Variants in PRKG1 observed in about 807,000 individuals in gnomAD.
PRKG1 encodes protein kinase cGMP-dependent 1.
Under a neutral mutation model 88.1 loss-of-function variants are expected in PRKG1, and 35 were observed. The observed-to-expected ratio is 0.40, with a 90% CI of 0.30 to 0.53. The LOEUF (loss-of-function observed/expected upper bound fraction) is 0.53. Ranked by LOEUF, PRKG1 falls within the 20% of genes least tolerant of loss-of-function variation. The pLI is 0.59. For synonymous variants in PRKG1, 303 were observed against 292.5 expected (o/e 1.04, Z -0.37); for missense variants, 540 against 839.8 (o/e 0.64, Z 4.41).
intron 7 of PRKG1, among the ~76,000 whole-genome samples, chr10:52,106,256 C>G (rs1847419321): frequency 6.6e-6 from 1 of 152,086 alleles, no homozygotes; most frequent in African/African-American, 2.4e-5. Flanking sequence ...AAAACAAAAC[C>G]AAAAACTATT....
At position 51,847,603 on chromosome 10, in the gene PRKG1, AT is replaced by A. The variant is rs369379721; in HGVS notation, c.698+42923del. 7.4e-3 allele frequency among the ~76,000 whole-genome samples: 1,103 copies of A among 148,990 alleles called. 22 individuals are homozygous for A. Among genetic ancestry groups the A allele is most frequent in the African/African-American group, 0.023 (955 of 40,772 alleles). On this transcript the variant is annotated intron_variant, in intron 4 of 17. Coordinates refer to ENST00000373980, the MANE Select transcript of PRKG1 (RefSeq NM_006258.4). ...GATCTATTGACAGCATTTAACAATG[AT>A]TTTTTTTTTCTGTAGATTGGCTAAA...
rs1837497358 is a variant in PRKG1 at position 51,562,644 on chromosome 10, G to A, written c.592+94808G>A. On this transcript the variant is annotated intron_variant, in intron 3 of 17. Transcript: ENST00000373980. ...TCTCTTTGATTACTATAATTTCTGTGTCTGATTGTCACAGCTGGAGTCTCT... is the reference window on the plus strand; with the variant it reads ...TCTCTTTGATTACTATAATTTCTGTATCTGATTGTCACAGCTGGAGTCTCT... Among the ~76,000 whole-genome samples, 3 of 152,070 alleles carry A rather than the reference G, an allele frequency of 2.0e-5. No individual in the cohort carries two copies. In the South Asian group the frequency reaches 6.2e-4, roughly 32 times the overall value.
chr10:51,573,553 A>C (rs1172481989), intron 3 of PRKG1, among the ~76,000 whole-genome samples: 1 of 151,894 alleles, frequency 6.6e-6, no homozygotes, highest in Non-Finnish European at 1.5e-5. Context: ...TCTTCTTTGG[A>C]GACAGAAACC....
At chr10:51,753,389 G>T (rs1837776854) in intron 3 of PRKG1, among the ~76,000 whole-genome samples, 1 of 151,916 alleles carries the variant, frequency 6.6e-6, no homozygotes, top group African/African-American at 2.4e-5. Flanking sequence ...TATTTTAGAT[G>T]GTCTATTTAT....
chr10:52,153,322 T>A (rs549602265), intron 8 of PRKG1, among the ~76,000 whole-genome samples: 1 of 152,240 alleles, frequency 6.6e-6, no homozygotes, highest in South Asian at 2.1e-4. Flanking sequence ...TAATGCCAGA[T>A]AAAAGGAAAA....
Position 52,251,634 on chromosome 10 carries a change from C to T in PRKG1, c.1141C>T (p.Leu381Phe). 1 of 1,613,544 alleles carries T rather than the reference C, an allele frequency of 6.2e-7. No individual in the cohort carries two copies. Among genetic ancestry groups the T allele is most frequent in the Non-Finnish European group, 8.5e-7 (1 of 1,179,604 alleles). Residue 381 changes from leucine (L) to phenylalanine (F), a missense_variant, in exon 10 of 18, where the codon CTT (leucine) becomes TTT (phenylalanine). Transcript: ENST00000373980. ...GTCTGATTTCAACATCATTGATACC[C>T]TTGGAGTTGGAGGTTTCGGACGAGT... Reference protein sequence around the residue: ...KLSDFNIIDTLGVGGFGRVEL... With the variant: ...KLSDFNIIDTFGVGGFGRVEL...
chr10:52,277,837 A>G (rs917396891), intron 12 of PRKG1, among the ~76,000 whole-genome samples: 5 of 152,206 alleles, frequency 3.3e-5, no homozygotes, highest in Non-Finnish European at 7.3e-5. Flanking sequence ...TCATTACAAC[A>G]TTAACAATGC....
chr10:52,255,588 T>C (rs1841288333), intron 10 of PRKG1, among the ~76,000 whole-genome samples: 1 of 152,066 alleles, frequency 6.6e-6, no homozygotes, highest in Non-Finnish European at 1.5e-5. Flanking sequence ...TAGTGAGCTC[T>C]ATGATTGAAG....
chr10:51,633,394 G>A (rs191969367), intron 3 of PRKG1, among the ~76,000 whole-genome samples: 71 of 152,094 alleles, frequency 4.7e-4, no homozygotes, highest in Non-Finnish European at 7.1e-4. Flanking sequence ...TGAAGCAAGC[G>A]AGGGAAAATA....
At chr10:51,197,825 G>A (rs942434415) in intron 2 of PRKG1, among the ~76,000 whole-genome samples, 4 of 146,578 alleles carry the variant, frequency 2.7e-5, no homozygotes, top group Admixed American at 2.7e-4. Context: ...TGGTGCAAAA[G>A]TAATTGTGGT....
Position 52,271,338 on chromosome 10 carries a change from T to G in PRKG1, c.1174-12T>G, listed in dbSNP as rs1444443084. On this transcript the variant is annotated splice_polypyrimidine_tract_variant and intron_variant, in intron 10 of 17. Transcript: ENST00000373980. ...ATGGGCTTTTTCTTACTCTCTTCTC[T>G]CTTTCTTTAAGGTCCAGTTGAAAAG... 1 of 1,610,600 alleles carries G rather than the reference T, an allele frequency of 6.2e-7. No individual in the cohort carries two copies. Among genetic ancestry groups the G allele is most frequent in the Admixed American group, 1.7e-5 (1 of 59,812 alleles).
intron 9 of PRKG1, among the ~76,000 whole-genome samples, chr10:52,207,238 G>A (rs2132792007): frequency 6.6e-6 from 1 of 152,284 alleles, no homozygotes; most frequent in South Asian, 2.1e-4. Context: ...TAGCAGAGCA[G>A]GAGCGGGAGG....
chr10:52,144,482 T>A (rs1158312904), intron 8 of PRKG1, among the ~76,000 whole-genome samples: 1 of 152,150 alleles, frequency 6.6e-6, no homozygotes, highest in Non-Finnish European at 1.5e-5. Flanking sequence ...GCTGCAGTAG[T>A]CCTAAAGGAT....
Position 52,182,739 on chromosome 10 carries a change from A to T in PRKG1, c.1076+20776A>T, listed in dbSNP as rs10762632. 5.6e-4 allele frequency among the ~76,000 whole-genome samples: 80 copies of T among 142,614 alleles called. No homozygotes were observed. In the East Asian group the frequency reaches 0.016, roughly 29 times the overall value. 93.6% of individuals were successfully genotyped at this position (142,614 alleles called of 152,430 possible). A position where few individuals can be genotyped will look rare whatever the true frequency, so the allele number is the denominator to read the frequency against. ...TTCTCAGGTTTGTCAAAGATCAGAT[A>T]GTTGTAGATATGCGGCATTATTTCT... On this transcript the variant is annotated intron_variant, in intron 9 of 17. Coordinates refer to ENST00000373980, the MANE Select transcript of PRKG1 (RefSeq NM_006258.4).
intron 5 of PRKG1, among the ~76,000 whole-genome samples, chr10:52,034,954 G>T (rs1845569124): frequency 6.6e-6 from 1 of 152,262 alleles, no homozygotes; most frequent in Non-Finnish European, 1.5e-5. Flanking sequence ...TTAAGTTGGT[G>T]GCTGAGTGTG....
chr10:51,564,312 T>C (rs1410831675), intron 3 of PRKG1, among the ~76,000 whole-genome samples: 1 of 152,156 alleles, frequency 6.6e-6, no homozygotes, highest in Non-Finnish European at 1.5e-5. Context: ...GATTGTATTC[T>C]ATTCTTTGTT....
intron 3 of PRKG1, among the ~76,000 whole-genome samples, chr10:51,727,667 C>T (rs1050182108): frequency 6.6e-6 from 1 of 152,120 alleles, no homozygotes; most frequent in Non-Finnish European, 1.5e-5. Context: ...TATCTTAACT[C>T]ATATCTCCGG....
At chr10:51,761,222 A>C (rs1417985042) in intron 3 of PRKG1, among the ~76,000 whole-genome samples, 2 of 152,250 alleles carry the variant, frequency 1.3e-5, no homozygotes, top group African/African-American at 4.8e-5. Context: ...TCCTTTTCTT[A>C]AACATTTGTG....
chr10:51,100,569 T>C lies in PRKG1; in HGVS notation c.311+25668T>C, dbSNP rs185040933. Reference sequence around the variant, plus strand: ...TTGCTGCAACTGTTACAGCTGTGACTGCCAATAAGCATAGCCCATAGCCCT... The same window carrying C: ...TTGCTGCAACTGTTACAGCTGTGACCGCCAATAAGCATAGCCCATAGCCCT... On this transcript the variant is annotated intron_variant, in intron 1 of 17. Transcript: ENST00000373980. Among the ~76,000 whole-genome samples, 21 of 152,340 alleles carry C rather than the reference T, an allele frequency of 1.4e-4. No homozygotes were observed. In the East Asian group the frequency reaches 4.0e-3, roughly 29 times the overall value.
Sources: allele counts gnomAD v4.1 joint callset (sites outside exome capture counted in the v4.1 genomes callset), GRCh38; gene constraint gnomAD v4.1.1; transcripts MANE v1.5; gene names NCBI Gene and HGNC (gene_info 2026-07-23, HGNC 2026-07-21).